The following FBN2 variants were observed in gnomAD, a reference collection of about 807,000 sequenced individuals.
The protein encoded by FBN2 is fibrillin-2.
A neutral mutation model predicts 355.6 loss-of-function variants in FBN2; 105 were observed. The ratio of observed to expected loss-of-function variants is 0.30; its 90% CI spans 0.25 to 0.35. The LOEUF (loss-of-function observed/expected upper bound fraction) is 0.35. Among genes scored for constraint, FBN2 ranks in the 10% least tolerant of loss-of-function variants. The pLI is 1.00. For synonymous variants in FBN2, 1,350 were observed against 1,301.2 expected (o/e 1.04, Z -0.81); for missense variants, 3,280 against 3,758.7 (o/e 0.87, Z 3.33).
At chr5:128,288,834 G>A (rs771877777) in intron 52 of FBN2, among the ~76,000 whole-genome samples, 1 of 152,204 alleles carries the variant, frequency 6.6e-6, no homozygotes, top group African/African-American at 2.4e-5. Flanking sequence ...AGGCATGGAA[G>A]GGCATAAAGT....
At chr5:128,279,642 C>CCTT (rs1765483982) in intron 56 of FBN2, among the ~76,000 whole-genome samples, 2 of 152,038 alleles carry the variant, frequency 1.3e-5, no homozygotes. Context: ...TCTTTGTTTA[C>CCTT]CTTGAATTTT....
chr5:128,537,391 G>A lies in FBN2; in HGVS notation c.213C>T (p.Ala71=). 2 of 1,610,428 alleles carry A rather than the reference G, an allele frequency of 1.2e-6. No homozygotes were observed. Among genetic ancestry groups the A allele is most frequent in the South Asian group, 1.1e-5 (1 of 90,684 alleles). ...GCTGTCCTCGCCGGCGGACGCGGCTGGCCACTGCGGCACCCTCCTCGCGAT... is the reference window on the plus strand; with the variant it reads ...GCTGTCCTCGCCGGCGGACGCGGCTAGCCACTGCGGCACCCTCCTCGCGAT... The part of the protein sequence containing the change: ...PEYREEGAAV[A]SRVRRRGQQD... The change falls in exon 1 of 65, where the codon GCC becomes GCT. Residue 71 remains alanine (A), a synonymous_variant. Coordinates refer to ENST00000262464, the MANE Select transcript of FBN2 (RefSeq NM_001999.4).
intron 8 of FBN2, among the ~76,000 whole-genome samples, chr5:128,396,252 A>G (rs1425238099): frequency 6.6e-6 from 1 of 152,214 alleles, no homozygotes; most frequent in Admixed American, 6.5e-5. Context: ...TAGAGAACAC[A>G]AGACAAGGCT....
chr5:128,329,687 G>A (rs747510903), intron 33 of FBN2, among the ~76,000 whole-genome samples: 2 of 152,160 alleles, frequency 1.3e-5, no homozygotes, highest in Non-Finnish European at 2.9e-5. Context: ...AAGTTATGAA[G>A]CTTTAAAACT....
At position 128,309,254 on chromosome 5, in the gene FBN2, T is replaced by A; in HGVS notation, c.5346A>T (p.Pro1782=). The A allele has an allele frequency of 5.0e-6, 8 of 1,614,100 alleles. No homozygotes were observed. The highest frequency in any genetic ancestry group is 6.8e-6 in the Non-Finnish European group (8 of 1,179,946). ...CACGAGCCGTGTGCTTACCTGTTCC[T>A]GGAGTTGGGCATGGTTCACAAGGTT... The part of the protein sequence containing the change: ...WNKPCEPCPT[P]GTADFKTICG... Residue 1782 remains proline (P), a synonymous_variant, in exon 41 of 65, where the codon CCA becomes CCT. Coordinates refer to ENST00000262464, the MANE Select transcript of FBN2 (RefSeq NM_001999.4).
chr5:128,481,858 G>A (rs910333555), intron 5 of FBN2, among the ~76,000 whole-genome samples: 11 of 152,156 alleles, frequency 7.2e-5, no homozygotes, highest in Non-Finnish European at 1.6e-4. Context: ...TGTACCTATC[G>A]TGTTTCTGCT....
intron 8 of FBN2, among the ~76,000 whole-genome samples, chr5:128,404,572 G>A (rs1281320676): frequency 6.6e-6 from 1 of 152,192 alleles, no homozygotes; most frequent in Non-Finnish European, 1.5e-5. Context: ...TCAACATGAA[G>A]TTCTTACATT....
intron 5 of FBN2, among the ~76,000 whole-genome samples, chr5:128,466,799 A>T (rs1225906668): frequency 6.6e-6 from 1 of 152,180 alleles, no homozygotes; most frequent in Admixed American, 6.5e-5. Flanking sequence ...TTTGGAGTAT[A>T]CGTGAAGATA....
At chr5:128,525,830 C>T (rs1756545710) in intron 4 of FBN2, among the ~76,000 whole-genome samples, 1 of 152,116 alleles carries the variant, frequency 6.6e-6, no homozygotes, top group Admixed American at 6.6e-5. Context: ...AGAAATAATA[C>T]TCAGTCACAA....
intron 5 of FBN2, among the ~76,000 whole-genome samples, chr5:128,507,622 G>A (rs780025141): frequency 3.3e-5 from 5 of 151,932 alleles, no homozygotes; most frequent in African/African-American, 7.2e-5. Context: ...GAGCTTTGGC[G>A]ATATATGTCT....
At chr5:128,363,682 G>A (rs374748) in intron 18 of FBN2, among the ~76,000 whole-genome samples, 130,299 of 152,156 alleles carry the variant, frequency 0.86, 56,305 homozygotes, top group East Asian at 0.99. Context: ...GTGTCCATGT[G>A]AAAAGGGGAA....
chr5:128,485,190 A>G (rs1755304236), intron 5 of FBN2, among the ~76,000 whole-genome samples: 3 of 151,782 alleles, frequency 2.0e-5, no homozygotes, highest in Admixed American at 6.6e-5. Context: ...TGCACAGCTA[A>G]TTTTTTATTT....
Position 128,276,130 on chromosome 5 carries a change from G to A in FBN2, c.7502C>T (p.Pro2501Leu). The change falls in exon 59 of 65, where the codon CCA (proline) becomes CTA (leucine). Residue 2501 changes from proline (P) to leucine (L), a missense_variant. Physicochemically the swap from Pro to Leu is moderately conservative, Grantham distance 98. Coordinates refer to ENST00000262464, the MANE Select transcript of FBN2 (RefSeq NM_001999.4). ...AGTGTTCTTGCAGATGTAGTTGCAT[G>A]GTTTCGGGGACTGGGAGCATTCATC... ...DLDECSQSPKPCNYICKNTEG... is the reference protein window; with the variant it reads ...DLDECSQSPKLCNYICKNTEG... 6.2e-7 allele frequency: 1 copy of A among 1,613,766 alleles called. No homozygotes were observed. The highest frequency in any genetic ancestry group is 8.5e-7 in the Non-Finnish European group (1 of 1,179,732).
intron 8 of FBN2, among the ~76,000 whole-genome samples, chr5:128,401,418 A>C (rs1281714878): frequency 1.3e-5 from 2 of 152,204 alleles, no homozygotes; most frequent in Non-Finnish European, 2.9e-5. Flanking sequence ...TGCTCTCACG[A>C]ATATTAAATT....
At chr5:128,275,886 G>A in intron 59 of FBN2, 152 bp downstream of exon 59, 1 of 842,126 alleles carries the variant, frequency 1.2e-6, no homozygotes, top group Non-Finnish European at 2.0e-6. Flanking sequence ...TGAGCATATT[G>A]GTAGAGTTTT....
chr5:128,386,225 G>T (rs971016360), intron 11 of FBN2, among the ~76,000 whole-genome samples: 1 of 151,984 alleles, frequency 6.6e-6, no homozygotes, highest in Non-Finnish European at 1.5e-5. Context: ...GATTCAGTTT[G>T]AATCTTCTGC....
chr5:128,361,718 C>A lies in FBN2; in HGVS notation c.2554+5G>T, dbSNP rs2126936993. 4.3e-6 allele frequency: 7 copies of A among 1,614,148 alleles called. No homozygotes were observed. Among genetic ancestry groups the A allele is most frequent in the South Asian group, 1.1e-5 (1 of 91,072 alleles). On this transcript the variant is annotated splice_donor_5th_base_variant and intron_variant, in intron 19 of 64. Transcript: ENST00000262464. ...CACAAATAAGGCGATGAAGACAGCTCTTACCTTCACAGGTCTCTGTCTCAG... is the reference window on the plus strand; with the variant it reads ...CACAAATAAGGCGATGAAGACAGCTATTACCTTCACAGGTCTCTGTCTCAG...
intron 5 of FBN2, among the ~76,000 whole-genome samples, chr5:128,474,695 C>T (rs939347045): frequency 2.6e-5 from 4 of 152,160 alleles, no homozygotes; most frequent in African/African-American, 7.2e-5. Context: ...CAAATACATG[C>T]TACTGAGTCA....
intron 40 of FBN2, among the ~76,000 whole-genome samples, chr5:128,309,636 T>C (rs1262441734): frequency 2.0e-5 from 3 of 152,160 alleles, no homozygotes; most frequent in Admixed American, 6.5e-5. Context: ...TTAATACATA[T>C]TTGTTTTTCT....
Sources: allele counts gnomAD v4.1 joint callset (sites outside exome capture counted in the v4.1 genomes callset), GRCh38; gene constraint gnomAD v4.1.1; transcripts MANE v1.5; gene names NCBI Gene and HGNC (gene_info 2026-07-23, HGNC 2026-07-21).